LRP2: variants seen among roughly 807,000 people sequenced by gnomAD.
The protein encoded by LRP2 is LDL receptor related protein 2.
A neutral mutation model predicts 531.0 loss-of-function variants in LRP2; 172 were observed. The ratio of observed to expected loss-of-function variants is 0.32; its 90% CI spans 0.29 to 0.37. The LOEUF is 0.37. Ranked by LOEUF, LRP2 falls within the 10% of genes least tolerant of loss-of-function variation. The pLI is 1.00. For missense variants in LRP2, 5,167 were observed against 5,868.3 expected, an observed-to-expected ratio of 0.88 and a Z score of 3.90; for synonymous variants, 1,992 against 2,027.6, an observed-to-expected ratio of 0.98 and a Z score of 0.47.
intron 36 of LRP2, 71 bp from the exon 37 acceptor site, chr2:169,212,278 A>G (rs1053684303): frequency 1.3e-6 from 2 of 1,586,164 alleles, no homozygotes; most frequent in Non-Finnish European, 1.7e-6. Context: ...AATTTCTTTA[A>G]TTGGGTCACC....
At chr2:169,187,536 C>T (rs779669331) in intron 49 of LRP2, among the ~76,000 whole-genome samples, 3 of 152,182 alleles carry the variant, frequency 2.0e-5, no homozygotes, top group Non-Finnish European at 2.9e-5. Context: ...AACTGCTTTA[C>T]TTGTGGTGGT....
At chr2:169,336,883 A>C (rs1186991002) in intron 1 of LRP2, among the ~76,000 whole-genome samples, 2 of 152,202 alleles carry the variant, frequency 1.3e-5, no homozygotes, top group Non-Finnish European at 2.9e-5. Flanking sequence ...CCCTGGGAAG[A>C]GTTATGTTCA....
intron 76 of LRP2, among the ~76,000 whole-genome samples, chr2:169,136,788 T>G (rs969402511): frequency 1.3e-5 from 2 of 152,016 alleles, no homozygotes; most frequent in African/African-American, 4.8e-5. Context: ...GTGAAATAAA[T>G]AGCCTTGTTG....
chr2:169,205,400 C>G, intron 41 of LRP2, 79 bp downstream of exon 41: 8 of 1,465,846 alleles, frequency 5.5e-6, no homozygotes, highest in Non-Finnish European at 7.6e-6. Flanking sequence ...ATTTTCATCA[C>G]ATGATGCAAA....
At position 169,294,271 on chromosome 2, in the gene LRP2, A is replaced by G. The variant is rs1304118355; in HGVS notation, c.539-10T>C. On this transcript the variant is annotated splice_polypyrimidine_tract_variant and intron_variant, in intron 5 of 78. Transcript: ENST00000649046. ...TGCAAGCATATCTCAGCTGCAACAG[A>G]AAGTTAAGAAGGGAAAGAAAAGAGA... 2 of 1,498,166 alleles carry G rather than the reference A, an allele frequency of 1.3e-6. No individual in the cohort carries two copies. Among genetic ancestry groups the G allele is most frequent in the Admixed American group, 1.7e-5 (1 of 59,870 alleles). 92.8% of individuals were successfully genotyped at this position (1,498,166 alleles called of 1,614,324 possible).
intron 61 of LRP2, among the ~76,000 whole-genome samples, chr2:169,167,601 C>T (rs768431493): frequency 4.6e-5 from 7 of 152,070 alleles, no homozygotes; most frequent in Non-Finnish European, 2.9e-5. Flanking sequence ...GAGTTAATGC[C>T]TTTCCTTCCT....
intron 1 of LRP2, among the ~76,000 whole-genome samples, chr2:169,325,163 T>C (rs999620756): frequency 2.0e-5 from 3 of 152,166 alleles, no homozygotes; most frequent in African/African-American, 7.2e-5. Context: ...TAAATTCTAT[T>C]CTTATAAGAC....
chr2:169,175,661 CAAAT>C (rs1687166178), intron 54 of LRP2, among the ~76,000 whole-genome samples: 2 of 150,854 alleles, frequency 1.3e-5, no homozygotes, highest in Non-Finnish European at 3.0e-5. Flanking sequence ...AAACAATAAA[CAAAT>C]AAAGAGTGGG....
intron 16 of LRP2, among the ~76,000 whole-genome samples, chr2:169,264,873 T>C (rs1690729186): frequency 6.6e-6 from 1 of 151,954 alleles, no homozygotes; most frequent in African/African-American, 2.4e-5. Context: ...ACAGATTTTC[T>C]CTGGAGGAGC....
intron 1 of LRP2, among the ~76,000 whole-genome samples, chr2:169,336,400 C>T (rs772680213): frequency 2.6e-5 from 4 of 151,944 alleles, no homozygotes; most frequent in Admixed American, 6.6e-5. Context: ...ATTAGCCAGG[C>T]GCGGTGGCAT....
chr2:169,156,536 C>T, intron 64 of LRP2, 131 bp from the exon 65 acceptor site: 3 of 1,006,532 alleles, frequency 3.0e-6, no homozygotes, highest in South Asian at 2.6e-5. Flanking sequence ...AGCAATGATA[C>T]AAACATTTGT....
Position 169,314,266 on chromosome 2 carries a change from A to T in LRP2, c.310+4496T>A, listed in dbSNP as rs371436664. 1.7e-4 allele frequency among the ~76,000 whole-genome samples: 26 copies of T among 151,952 alleles called. 1 individual carries two copies. The highest frequency in any genetic ancestry group is 5.8e-4 in the African/African-American group (24 of 41,368). On this transcript the variant is annotated intron_variant, in intron 3 of 78. Transcript: ENST00000649046. ...AAAAAAAATAAATTTAGCTGGGCACAGTGGCTCACTTCCAAGTAGCTGTAG... is the reference window on the plus strand; with the variant it reads ...AAAAAAAATAAATTTAGCTGGGCACTGTGGCTCACTTCCAAGTAGCTGTAG...
At chr2:169,327,347 C>T (rs1286983415) in intron 1 of LRP2, among the ~76,000 whole-genome samples, 3 of 126,450 alleles carry the variant, frequency 2.4e-5, no homozygotes, top group Admixed American at 7.5e-5. Flanking sequence ...CCGCCCCATC[C>T]GGGAGGTGAG....
intron 69 of LRP2, among the ~76,000 whole-genome samples, chr2:169,146,291 T>A (rs1452368662): frequency 2.0e-5 from 3 of 152,202 alleles, no homozygotes; most frequent in Admixed American, 6.5e-5. Context: ...AAATGTGATA[T>A]GTGCTGGGTC....
intron 1 of LRP2, among the ~76,000 whole-genome samples, chr2:169,342,363 C>T (rs770441569): frequency 2.9e-4 from 44 of 151,980 alleles, no homozygotes; most frequent in Non-Finnish European, 2.1e-4. Flanking sequence ...TCCATGGTGA[C>T]TCTCTCCTTT....
chr2:169,328,586 CA>C (rs1559078543), intron 1 of LRP2, among the ~76,000 whole-genome samples: 2 of 150,812 alleles, frequency 1.3e-5, no homozygotes, highest in East Asian at 2.0e-4. Flanking sequence ...CATGCAATAA[CA>C]ACAGCTGATA....
chr2:169,143,204 C>T (rs145158902), intron 70 of LRP2, among the ~76,000 whole-genome samples: 3 of 152,296 alleles, frequency 2.0e-5, no homozygotes, highest in East Asian at 1.9e-4. Context: ...CAGATCATAA[C>T]ATATGGTCTA....
At chr2:169,144,313 G>A (rs1297593865) in intron 70 of LRP2, among the ~76,000 whole-genome samples, 1 of 152,186 alleles carries the variant, frequency 6.6e-6, no homozygotes, top group Non-Finnish European at 1.5e-5. Flanking sequence ...ATAATTCTGA[G>A]GCATGCTCAA....
rs1487108767 is a variant in LRP2, at chr2:169,213,770, G to A, written c.5927C>T (p.Thr1976Ile). 2.3e-5 allele frequency: 37 copies of A among 1,613,460 alleles called. No homozygotes were observed. The highest frequency in any genetic ancestry group is 3.1e-5 in the Non-Finnish European group (36 of 1,179,480). ...TTCAATGACCTCATACTGTTCATCA[G>A]TATAATAAAGGAAAGAATCATGGAC... ...IAVHDSFLYY[T>I]DEQYEVIERV... The change falls in exon 36 of 79, where the codon ACT becomes ATT. Residue 1976 changes from threonine to isoleucine, a missense_variant. By Grantham distance (89) the Thr-to-Ile change is moderately conservative. Around this residue, in one of 6 missense-constraint regions of LRP2, gnomAD observed 2,811 missense variants for 3,058.0 expected, o/e 0.92. Transcript: ENST00000649046.
Sources: allele counts gnomAD v4.1 joint callset (sites outside exome capture counted in the v4.1 genomes callset), GRCh38; gene constraint gnomAD v4.1.1; regional missense constraint gnomAD v4.1.1; transcripts MANE v1.5; gene names NCBI Gene and HGNC (gene_info 2026-07-23, HGNC 2026-07-21).